The following PCDHA7 variants were observed in gnomAD, a reference collection of about 807,000 sequenced individuals.
PCDHA7 encodes protocadherin alpha 7.
In PCDHA7, 37 loss-of-function variants were observed where a neutral mutation model predicts 57.2. The observed-to-expected ratio is 0.65, with a 90% CI of 0.50 to 0.85. The LOEUF (loss-of-function observed/expected upper bound fraction) is 0.85, where lower values mean the gene tolerates loss of function less well. Among genes scored for constraint, PCDHA7 ranks in the 40% least tolerant of loss-of-function variants. PCDHA7 has a pLI of 0.00. For synonymous variants in PCDHA7, 553 were observed against 558.8 expected, an observed-to-expected ratio of 0.99 and a Z score of 0.15; for missense variants, 1,188 against 1,241.8, an observed-to-expected ratio of 0.96 and a Z score of 0.65.
intron 1 of PCDHA7, among the ~76,000 whole-genome samples, chr5:140,872,206 T>A (rs2053543474): frequency 1.3e-5 from 2 of 152,340 alleles, no homozygotes; most frequent in Middle Eastern, 6.8e-3. Flanking sequence ...CATAAATTCA[T>A]TATATATGAA....
intron 3 of PCDHA7, among the ~76,000 whole-genome samples, chr5:141,004,899 C>A (rs898562164): frequency 4.6e-5 from 7 of 152,096 alleles, no homozygotes. Context: ...TCAGCTCTGC[C>A]AGGGTGTAAG....
At chr5:140,916,417 A>G (rs2077566178) in intron 1 of PCDHA7, among the ~76,000 whole-genome samples, 1 of 152,246 alleles carries the variant, frequency 6.6e-6, no homozygotes. Flanking sequence ...AAGTCAGCAC[A>G]TCTCAGAACC....
intron 3 of PCDHA7, among the ~76,000 whole-genome samples, chr5:140,991,948 A>G (rs2097482017): frequency 6.6e-6 from 1 of 152,046 alleles, no homozygotes; most frequent in Non-Finnish European, 1.5e-5. Flanking sequence ...TAAAATTAGA[A>G]TGCAGTCATT....
chr5:140,870,732 T>G (rs782731773), intron 1 of PCDHA7: 27 of 1,613,288 alleles, frequency 1.7e-5, no homozygotes, highest in African/African-American at 2.7e-5. Flanking sequence ...GCGTGCCGCC[T>G]CTGAGCAGCA....
rs544683188 is a variant in PCDHA7 at position 140,871,907 on chromosome 5, C to G, written c.2355+35169C>G. ...TCTTTGTCTTTTAGCAGAGTTTTGC[C>G]TTGATATTTCCACATTGTTAGATCA... On this transcript the variant is annotated intron_variant, in intron 1 of 3. Coordinates refer to ENST00000525929, the MANE Select transcript of PCDHA7 (RefSeq NM_018910.3). Among the ~76,000 whole-genome samples the G allele has an allele frequency of 3.9e-5, 6 of 152,316 alleles. No homozygotes were observed. In the South Asian group the frequency reaches 1.2e-3, roughly 32 times the overall value.
intron 1 of PCDHA7, among the ~76,000 whole-genome samples, chr5:140,903,073 T>C (rs1181656778): frequency 6.6e-6 from 1 of 152,196 alleles, no homozygotes; most frequent in Admixed American, 6.5e-5. Context: ...TTTGGGTAGA[T>C]ACCTGATAGT....
rs2150484404 is a variant in PCDHA7, at chr5:140,850,437, C to T, written c.2355+13699C>T. 6.3e-6 allele frequency: 10 copies of T among 1,597,794 alleles called. 1 individual carries two copies. Among genetic ancestry groups the T allele is most frequent in the African/African-American group, 1.3e-5 (1 of 74,284 alleles). ...AACGGACGCACCGCGCCAGCGCCTA[C>T]TGGTGCTGGTGAAAGACCACGGGGA... On this transcript the variant is annotated intron_variant, in intron 1 of 3. Transcript: ENST00000525929.
At chr5:140,883,959 C>T (rs782366148) in intron 1 of PCDHA7, 4 of 1,613,092 alleles carry the variant, frequency 2.5e-6, no homozygotes, top group Admixed American at 3.3e-5. Context: ...AACGCTCCGG[C>T]GCTGCTGACG....
chr5:140,864,439 T>A (rs2048478325), intron 1 of PCDHA7: 1 of 152,242 alleles, frequency 6.6e-6, no homozygotes, highest in South Asian at 2.1e-4. Flanking sequence ...CAATTTTGTT[T>A]CTTCATGATC....
chr5:140,906,646 G>GT (rs35557065), intron 1 of PCDHA7, among the ~76,000 whole-genome samples: 1 of 152,192 alleles, frequency 6.6e-6, no homozygotes, highest in Non-Finnish European at 1.5e-5. Context: ...GCAGGTAGTG[G>GT]TTTTTTCCTG....
At chr5:140,952,768 AT>A (rs1554220610) in intron 1 of PCDHA7, among the ~76,000 whole-genome samples, 1 of 152,180 alleles carries the variant, frequency 6.6e-6, no homozygotes, top group African/African-American at 2.4e-5. Context: ...AGACTGGATA[AT>A]TTAGAAAGAA....
At chr5:140,838,084 G>A (rs1419465245) in intron 1 of PCDHA7, among the ~76,000 whole-genome samples, 2 of 31,492 alleles carry the variant, frequency 6.4e-5, no homozygotes, top group East Asian at 1.1e-3. Context: ...TATAGTGTGT[G>A]TGTGTGTGTG....
intron 3 of PCDHA7, among the ~76,000 whole-genome samples, chr5:141,003,622 A>G (rs1554259173): frequency 6.6e-6 from 1 of 152,196 alleles, no homozygotes; most frequent in Non-Finnish European, 1.5e-5. Context: ...CCCAGAGGGC[A>G]GTTTTTAAAG....
chr5:140,857,769 G>A, intron 1 of PCDHA7: 1 of 1,597,600 alleles, frequency 6.3e-7, no homozygotes, highest in Non-Finnish European at 8.6e-7. Context: ...AGCGCGGGCG[G>A]TGCAGTCAGT....
At chr5:140,887,348 G>C (rs997332881) in intron 1 of PCDHA7, among the ~76,000 whole-genome samples, 1 of 151,978 alleles carries the variant, frequency 6.6e-6, no homozygotes, top group Non-Finnish European at 1.5e-5. Flanking sequence ...CACCTGGCTC[G>C]GCCTCCCAAA....
intron 1 of PCDHA7, chr5:140,882,277 T>C: frequency 1.9e-6 from 3 of 1,612,528 alleles, no homozygotes; most frequent in African/African-American, 1.3e-5. Flanking sequence ...CCATGCTGTC[T>C]TCCTGGCAAG....
At chr5:140,923,116 T>C (rs1418111802) in intron 1 of PCDHA7, among the ~76,000 whole-genome samples, 1 of 152,216 alleles carries the variant, frequency 6.6e-6, no homozygotes, top group African/African-American at 2.4e-5. Flanking sequence ...TTTAAGTTTT[T>C]AGGGTCACAC....
chr5:140,936,337 C>G (rs1226552278), intron 1 of PCDHA7, among the ~76,000 whole-genome samples: 17 of 152,160 alleles, frequency 1.1e-4, no homozygotes, highest in Non-Finnish European at 1.5e-5. Context: ...TTTTCTCTAT[C>G]TGCATATATG....
intron 1 of PCDHA7, among the ~76,000 whole-genome samples, chr5:140,973,202 T>C (rs1266876355): frequency 3.3e-5 from 5 of 152,244 alleles, no homozygotes; most frequent in African/African-American, 1.2e-4. Flanking sequence ...TATGTGTGCA[T>C]ATTCACCCTA....
Sources: gnomAD v4.1 joint callset for allele counts (sites outside exome capture counted in the v4.1 genomes callset) on GRCh38, gnomAD v4.1.1 for gene constraint, MANE v1.5 for transcripts, NCBI Gene and HGNC (gene_info 2026-07-23, HGNC 2026-07-21) for gene names.